The following COL20A1 variants were observed in gnomAD, a reference collection of about 807,000 sequenced individuals.
COL20A1 encodes collagen type XX alpha 1 chain, also known as collagen alpha-1(XX) chain.
In COL20A1, 164 loss-of-function variants were observed where a neutral mutation model predicts 152.9. The ratio of observed to expected loss-of-function variants is 1.07; its 90% CI spans 0.94 to 1.22. The LOEUF (loss-of-function observed/expected upper bound fraction) is 1.22. Among genes scored for constraint, COL20A1 ranks in the 50% most tolerant of loss-of-function variants. The pLI, the probability that COL20A1 is intolerant of heterozygous loss-of-function variation, is 0.00. For missense variants in COL20A1, 1,873 were observed against 1,744.8 expected (o/e 1.07, Z -1.31); for synonymous variants, 864 against 756.0 (o/e 1.14, Z -2.34).
chr20:63,320,736 G>A (rs1289116244), intron 25 of COL20A1, among the ~76,000 whole-genome samples: 1 of 152,186 alleles, frequency 6.6e-6, no homozygotes, highest in Admixed American at 6.5e-5. Context: ...GGCCCAGACG[G>A]GAGAGAGGGA....
At chr20:63,294,140 GA>G (rs1335964567) in intron 1 of COL20A1, among the ~76,000 whole-genome samples, 1 of 66,078 alleles carries the variant, frequency 1.5e-5, no homozygotes, top group South Asian at 5.6e-4. Flanking sequence ...AGCGGAGTGT[GA>G]GGGGAGGGGG....
chr20:63,331,744 CAGAAATGA>C lies in COL20A1; in HGVS notation c.*1032_*1039del, dbSNP rs1291431908. 2.0e-5 allele frequency: 3 copies of C among 152,052 alleles called. No individual in the cohort carries two copies. The highest frequency in any genetic ancestry group is 6.5e-5 in the Admixed American group (1 of 15,270). 9.4% of individuals were successfully genotyped at this position (152,052 alleles called of 1,614,324 possible). On this transcript the variant is annotated 3_prime_UTR_variant, in exon 36 of 36. Transcript: ENST00000358894. ...TTAGGCAGCTAAGCAAGAAAGGTGC[CAGAAATGA>C]AGAGGGAAGCCATATCATTGAGGAG...
At chr20:63,322,226 A>G (rs1441614288) in intron 27 of COL20A1, 115 bp downstream of exon 27, 2 of 860,146 alleles carry the variant, frequency 2.3e-6, no homozygotes, top group African/African-American at 3.6e-5. Flanking sequence ...TTCCCTAGGC[A>G]GGGTGGGGTC....
intron 27 of COL20A1, among the ~76,000 whole-genome samples, chr20:63,322,953 G>A (rs565330695): frequency 1.4e-4 from 22 of 152,248 alleles, no homozygotes; most frequent in Non-Finnish European, 2.6e-4. Context: ...GAGTCCCTAG[G>A]ACAGTCGCTG....
At chr20:63,310,095 G>A (rs1467456890) in intron 10 of COL20A1, among the ~76,000 whole-genome samples, 180 bp downstream of exon 10, 1 of 152,190 alleles carries the variant, frequency 6.6e-6, no homozygotes, top group Non-Finnish European at 1.5e-5. Context: ...GGCAGCCTGG[G>A]ATGAGTGCAT....
At position 63,325,449 on chromosome 20, in the gene COL20A1, A is replaced by C; in HGVS notation, c.3303A>C (p.Pro1101=). The part of the protein sequence containing the change: ...EQGFPGPRGP[P]GVKGEKGDHG... ...CCATCTTCCCCCTCCAGGGTCCACC[A>C]GGGGTCAAAGGAGAGAAGGGAGACC... The change falls in exon 28 of 36, where the codon CCA becomes CCC. Residue 1101 remains proline (P), a synonymous_variant. Transcript: ENST00000358894. 1 of 1,612,108 alleles carries C rather than the reference A, an allele frequency of 6.2e-7. No individual in the cohort carries two copies. Among genetic ancestry groups the C allele is most frequent in the Non-Finnish European group, 8.5e-7 (1 of 1,179,120 alleles).
In COL20A1 at chr20:63,326,414, C is replaced by G. The variant is rs541157885; in HGVS notation, c.3456+265C>G. 5.3e-5 allele frequency among the ~76,000 whole-genome samples: 8 copies of G among 152,308 alleles called. No individual in the cohort carries two copies. The South Asian group carries it at 1.4e-3, about 28-fold the overall frequency. ...TGGAGGGGGGTCTCCTGGCATCGGC[C>G]TCGGGCTGAGTGCTGGGCAGGCCAG... On this transcript the variant is annotated intron_variant, in intron 30 of 35. Coordinates refer to ENST00000358894, the MANE Select transcript of COL20A1 (RefSeq NM_020882.4).
Position 63,311,510 on chromosome 20 carries a change from T to G in COL20A1, c.1510T>G (p.Ser504Ala), listed in dbSNP as rs775758509. 25 of 1,588,620 alleles carry G rather than the reference T, an allele frequency of 1.6e-5. No individual in the cohort carries two copies. The highest frequency in any genetic ancestry group is 1.8e-4 in the Middle Eastern group (1 of 5,714). Residue 504 changes from serine to alanine, a missense_variant, in exon 12 of 36, where the codon TCC becomes GCC. Physicochemically the swap from Ser to Ala is moderately conservative, Grantham distance 99 (BLOSUM62 1). Coordinates refer to ENST00000358894, the MANE Select transcript of COL20A1 (RefSeq NM_020882.4). The surrounding 1 kb of genome is among the most constrained non-coding windows in gnomAD (Gnocchi z 4.4). ...THYLVRCSPASPKGEEEEREV... is the reference protein window; with the variant it reads ...THYLVRCSPAAPKGEEEEREV... ...CTACCTGGTGCGATGTTCTCCTGCT[T>G]CCCCCAAGGGTGAAGAGGAGGAGCG...
intron 2 of COL20A1, among the ~76,000 whole-genome samples, 162 bp downstream of exon 2, chr20:63,295,351 G>A (rs562404576): frequency 1.5e-3 from 231 of 152,378 alleles, no homozygotes; most frequent in Non-Finnish European, 2.7e-3. Flanking sequence ...ACGGGAGGGA[G>A]CGTGTGCTCC....
intron 26 of COL20A1, 75 bp downstream of exon 26, chr20:63,321,174 AC>A: frequency 1.0e-6 from 1 of 985,940 alleles, no homozygotes; most frequent in Non-Finnish European, 1.6e-6. Flanking sequence ...TGGATGTGTA[AC>A]CCAGGCCCTC....
intron 1 of COL20A1, among the ~76,000 whole-genome samples, chr20:63,293,803 C>G (rs942312862): frequency 1.3e-5 from 2 of 149,550 alleles, no homozygotes; most frequent in South Asian, 4.3e-4. Context: ...GTGGCTTTCC[C>G]GCCGGGTGAG....
chr20:63,315,562 G>A (rs960427208), intron 20 of COL20A1, 123 bp downstream of exon 20: 27 of 907,270 alleles, frequency 3.0e-5, no homozygotes, highest in Admixed American at 2.1e-4. Context: ...ATGTTTGGGC[G>A]GGTTTGTGCC....
At chr20:63,325,297 G>A in intron 27 of COL20A1, 144 bp from the exon 28 acceptor site, 1 of 728,798 alleles carries the variant, frequency 1.4e-6, no homozygotes, top group East Asian at 2.7e-5. Context: ...GGACAGATGG[G>A]ACCAGAAGGT....
chr20:63,320,424 G>A (rs1347240795), intron 25 of COL20A1, 56 bp downstream of exon 25: 3 of 1,534,326 alleles, frequency 2.0e-6, no homozygotes, highest in Non-Finnish European at 2.7e-6. Context: ...AGTGCCCACT[G>A]AGGGTCACAG....
rs992796865 is a variant in COL20A1 at position 63,305,488 on chromosome 20, A to G, written c.265A>G (p.Lys89Glu). ...KATVGGLSPS[K>E]GYTLQIFELT... ...CACAGTGGGGGGCCTGAGCCCCTCC[A>G]AGGGCTACACCTTGCAGATCTTCGA... Residue 89 changes from lysine (K) to glutamate (E), a missense_variant, in exon 4 of 36, where the codon AAG becomes GAG. Physicochemically the swap from Lys to Glu is moderately conservative, Grantham distance 56. Transcript: ENST00000358894. This position sits in a 1 kb window ranked among gnomAD's most constrained non-coding sequence, Gnocchi z 4.9. 5 of 1,605,624 alleles carry G rather than the reference A, an allele frequency of 3.1e-6. No individual in the cohort carries two copies. Among genetic ancestry groups the G allele is most frequent in the Non-Finnish European group, 4.2e-6 (5 of 1,176,882 alleles).
In COL20A1 at chr20:63,312,421, C is replaced by T. The variant is rs753239856; in HGVS notation, c.1805C>T (p.Thr602Ile). The T allele has an allele frequency of 1.3e-6, 2 of 1,585,764 alleles. No individual in the cohort carries two copies. The highest frequency in any genetic ancestry group is 2.3e-5 in the South Asian group (2 of 87,270). Residue 602 changes from threonine (T) to isoleucine (I), a missense_variant and splice_region_variant, in exon 15 of 36, where the codon ACA (threonine) becomes ATA (isoleucine). Thr to Ile is a moderately conservative substitution (Grantham distance 89, BLOSUM62 -1). Coordinates refer to ENST00000358894, the MANE Select transcript of COL20A1 (RefSeq NM_020882.4). ...ATGTCGCCCTCCCACCTGCTGCAGA[C>T]AGAGGCTCCTGGGAACGCCACCTCG... is the stretch of plus-strand genomic sequence containing the variant. ...VSSEGGHSGQ[T>I]EAPGNATSAT...
chr20:63,316,519 C>T (rs751742678), intron 20 of COL20A1, 34 bp from the exon 21 acceptor site: 6 of 1,555,180 alleles, frequency 3.9e-6, no homozygotes, highest in South Asian at 3.6e-5. Context: ...CTCTGAGGGT[C>T]CCTCGGTGCC....
At position 63,329,334 on chromosome 20, in the gene COL20A1, C is replaced by A; in HGVS notation, c.3782-251C>A. ...CCTGTCTAGATGAGGGTGACAGGCACTATCACAGGGCCCCCACCTGACGCC... is the reference window on the plus strand; with the variant it reads ...CCTGTCTAGATGAGGGTGACAGGCAATATCACAGGGCCCCCACCTGACGCC... On this transcript the variant is annotated intron_variant, in intron 34 of 35. Coordinates refer to ENST00000358894, the MANE Select transcript of COL20A1 (RefSeq NM_020882.4). The A allele has an allele frequency of 1.6e-5, 9 of 563,112 alleles. No individual in the cohort carries two copies. In the South Asian group the frequency reaches 1.9e-4, roughly 12 times the overall value. The allele number at this position is 563,112 out of a possible 1,614,324, so 34.9% of individuals were successfully genotyped here.
Position 63,333,837 on chromosome 20 carries a change from C to T in COL20A1, c.*3121C>T, listed in dbSNP as rs2068361956. 6.6e-6 allele frequency: 1 copy of T among 152,364 alleles called. No individual in the cohort carries two copies. The allele number at this position is 152,364 out of a possible 1,614,324, so 9.4% of individuals were successfully genotyped here. A position where few individuals can be genotyped will look rare whatever the true frequency, so the allele number is the denominator to read the frequency against. ...GAGCCTGCCCCGATGCCATCTGCAC[C>T]TGGGGGGCGACGTATGGCTGCCAGC... is the stretch of plus-strand genomic sequence containing the variant. On this transcript the variant is annotated 3_prime_UTR_variant, in exon 36 of 36. Transcript: ENST00000358894.
Sources: gnomAD v4.1 joint callset for allele counts (sites outside exome capture counted in the v4.1 genomes callset) on GRCh38, gnomAD v4.1.1 for gene constraint, Gnocchi (gnomAD v3.1) non-coding constraint, MANE v1.5 for transcripts, NCBI Gene and HGNC (gene_info 2026-07-23, HGNC 2026-07-21) for gene names.